CDC27: variants seen among roughly 807,000 people sequenced by gnomAD.
The protein encoded by CDC27 is cell division cycle 27, also known as cell division cycle protein 27 homolog.
Under a neutral mutation model 109.7 loss-of-function variants are expected in CDC27, and 27 were observed. The ratio of observed to expected loss-of-function variants is 0.25; its 90% CI spans 0.18 to 0.34. CDC27 has a LOEUF of 0.34. Ranked by LOEUF, CDC27 falls within the 10% of genes least tolerant of loss-of-function variation. The probability of loss-of-function intolerance (pLI) is 1.00; values close to 1 mark genes in which losing one functional copy is unlikely to be tolerated. For missense variants in CDC27, 579 were observed against 960.2 expected (o/e 0.60, Z 5.25); for synonymous variants, 266 against 333.9 (o/e 0.80, Z 2.22).
intron 14 of CDC27, among the ~76,000 whole-genome samples, chr17:47,133,737 C>T (rs371272674): frequency 5.3e-5 from 8 of 152,246 alleles, no homozygotes; most frequent in African/African-American, 1.9e-4. Flanking sequence ...AGCCACCACA[C>T]CTGGCCTACA....
At chr17:47,164,617 G>A (rs2063590424) in intron 4 of CDC27, among the ~76,000 whole-genome samples, 2 of 152,146 alleles carry the variant, frequency 1.3e-5, no homozygotes, top group South Asian at 4.1e-4. Context: ...GGGAATTTGA[G>A]ACCAGCCTGG....
intron 16 of CDC27, among the ~76,000 whole-genome samples, chr17:47,125,197 G>T (rs763435789): frequency 3.1e-4 from 43 of 137,154 alleles, no homozygotes; most frequent in Non-Finnish European, 5.2e-4. Flanking sequence ...TAGGATTACA[G>T]TTGTGAGCCA....
Position 47,119,699 on chromosome 17 carries a change from T to A in CDC27, c.*1236A>T, listed in dbSNP as rs1367212823. 1.3e-5 allele frequency: 2 copies of A among 152,254 alleles called. No homozygotes were observed. Among genetic ancestry groups the A allele is most frequent in the Non-Finnish European group, 2.9e-5 (2 of 68,044 alleles). 9.4% of individuals were successfully genotyped at this position (152,254 alleles called of 1,614,324 possible). On this transcript the variant is annotated 3_prime_UTR_variant, in exon 19 of 19. Coordinates refer to ENST00000066544, the MANE Select transcript of CDC27 (RefSeq NM_001256.6). ...TCCAATAATTATCATTTTATATGCA[T>A]AATTGAATTCTTAAAATTGTGGCCA...
At chr17:47,135,028 T>C (rs1466454513) in intron 14 of CDC27, among the ~76,000 whole-genome samples, 5 of 152,084 alleles carry the variant, frequency 3.3e-5, no homozygotes, top group African/African-American at 1.2e-4. Context: ...ATAGGTACCA[T>C]TATCATCCTT....
chr17:47,182,995 G>A (rs2064302299), intron 1 of CDC27, among the ~76,000 whole-genome samples: 1 of 151,810 alleles, frequency 6.6e-6, no homozygotes, highest in African/African-American at 2.4e-5. Context: ...CTGCTGGAGT[G>A]CAATAGGAGC....
chr17:47,140,960 T>C (rs575115224), intron 12 of CDC27, among the ~76,000 whole-genome samples: 3 of 152,330 alleles, frequency 2.0e-5, no homozygotes, highest in African/African-American at 7.2e-5. Context: ...CCATACTTCA[T>C]TGTCTCCCAG....
intron 8 of CDC27, among the ~76,000 whole-genome samples, chr17:47,152,396 T>A (rs1188324622): frequency 1.3e-5 from 2 of 152,166 alleles, no homozygotes; most frequent in African/African-American, 4.8e-5. Context: ...GAGTAGATTT[T>A]AAAAAAACAA....
At chr17:47,138,465 C>T (rs1004355356) in intron 13 of CDC27, among the ~76,000 whole-genome samples, 2 of 152,142 alleles carry the variant, frequency 1.3e-5, no homozygotes, top group Admixed American at 6.6e-5. Flanking sequence ...TTCTGCTCAA[C>T]GAACCCTAAT....
chr17:47,186,791 T>C (rs1934417166), intron 1 of CDC27, among the ~76,000 whole-genome samples: 1 of 152,190 alleles, frequency 6.6e-6, no homozygotes, highest in South Asian at 2.1e-4. Flanking sequence ...GTTCTTCATA[T>C]TTTCTGTGAA....
chr17:47,155,214 C>T (rs2063266459), intron 7 of CDC27, among the ~76,000 whole-genome samples: 1 of 152,154 alleles, frequency 6.6e-6, no homozygotes, highest in African/African-American at 2.4e-5. Flanking sequence ...TCCCCGGCCT[C>T]AGGACCTGAT....
intron 15 of CDC27, among the ~76,000 whole-genome samples, chr17:47,130,964 G>C (rs1407310890): frequency 6.6e-6 from 1 of 151,892 alleles, no homozygotes; most frequent in Non-Finnish European, 1.5e-5. Context: ...ATGGTCATAA[G>C]AATGTGAGAA....
At chr17:47,155,606 C>T (rs539222058) in intron 7 of CDC27, among the ~76,000 whole-genome samples, 1 of 152,086 alleles carries the variant, frequency 6.6e-6, no homozygotes, top group East Asian at 1.9e-4. Context: ...GGGCTGAGTT[C>T]CTGTATTTAT....
At chr17:47,147,071 A>T (rs1242744432) in intron 9 of CDC27, among the ~76,000 whole-genome samples, 1 of 152,172 alleles carries the variant, frequency 6.6e-6, no homozygotes, top group Non-Finnish European at 1.5e-5. Context: ...TCTCAAAGAA[A>T]AAAAGTAAAA....
intron 16 of CDC27, among the ~76,000 whole-genome samples, chr17:47,125,233 ATCTTTTTTTTTTTT>A (rs1481156098): frequency 2.9e-5 from 3 of 103,922 alleles, no homozygotes; most frequent in African/African-American, 1.1e-4. Context: ...CTTTAAAGAA[ATCTTTTTTTTTTTT>A]TTTTTTTTTT....
At chr17:47,162,785 C>A (rs1598531749) in intron 4 of CDC27, among the ~76,000 whole-genome samples, 1 of 152,066 alleles carries the variant, frequency 6.6e-6, no homozygotes, top group East Asian at 1.9e-4. Context: ...GTTGGCAAGG[C>A]TGATTTTTAT....
rs1427786625 is a variant in CDC27, at chr17:47,154,806, A to G, written c.843-20T>C. The G allele has an allele frequency of 7.9e-7, 1 of 1,273,304 alleles. No individual in the cohort carries two copies. The highest frequency in any genetic ancestry group is 1.8e-5 in the Admixed American group (1 of 57,008). The allele number at this position is 1,273,304 out of a possible 1,614,324, so 78.9% of individuals were successfully genotyped here. ...CCAAAACTGAGAAGAGGTTGAAATC[A>G]AGGTGTCAAAAAGTCATCAAGGCAT... On this transcript the variant is annotated intron_variant, in intron 7 of 18. Coordinates refer to ENST00000066544, the MANE Select transcript of CDC27 (RefSeq NM_001256.6).
At chr17:47,126,954 C>A (rs2062159000) in intron 16 of CDC27, among the ~76,000 whole-genome samples, 1 of 152,012 alleles carries the variant, frequency 6.6e-6, no homozygotes, top group South Asian at 2.1e-4. Context: ...CCACCAGGCC[C>A]AGCTAATTTT....
At chr17:47,143,734 C>T (rs538706011) in intron 10 of CDC27, 149 bp downstream of exon 10, 1 of 300,410 alleles carries the variant, frequency 3.3e-6, no homozygotes, top group East Asian at 5.3e-5. Context: ...ATTAACTTCA[C>T]AAAAATCATA....
intron 1 of CDC27, among the ~76,000 whole-genome samples, chr17:47,184,824 G>A (rs1296010960): frequency 6.6e-6 from 1 of 152,198 alleles, no homozygotes; most frequent in East Asian, 1.9e-4. Flanking sequence ...ATGATGAACA[G>A]GGCTAAAATC....
Sources: allele counts gnomAD v4.1 joint callset (sites outside exome capture counted in the v4.1 genomes callset), GRCh38; gene constraint gnomAD v4.1.1; transcripts MANE v1.5; gene names NCBI Gene and HGNC (gene_info 2026-07-23, HGNC 2026-07-21).